Variants in ZNF189 observed in about 807,000 individuals in gnomAD.
The protein encoded by ZNF189 is zinc finger protein 189.
ZNF189 carries 33 observed loss-of-function variants against 53.5 expected under a neutral mutation model. The ratio of observed to expected loss-of-function variants is 0.62; its 90% CI spans 0.47 to 0.82. ZNF189 has a LOEUF of 0.82. ZNF189 is among the 40% of genes least tolerant of loss of function. The pLI is 0.00. For synonymous variants in ZNF189, 247 were observed against 238.8 expected (o/e 1.03, Z -0.32); for missense variants, 711 against 753.9 (o/e 0.94, Z 0.67).
chr9:101,405,174 C>G (rs193144393), intron 2 of ZNF189, among the ~76,000 whole-genome samples: 1 of 152,300 alleles, frequency 6.6e-6, no homozygotes, highest in East Asian at 1.9e-4. Context: ...TAGCAAAGAG[C>G]TTGATTCGAT....
Position 101,409,373 on chromosome 9 carries a change from A to G in ZNF189, c.1605A>G (p.Thr535=), listed in dbSNP as rs778635961. 13 of 1,614,040 alleles carry G rather than the reference A, an allele frequency of 8.1e-6. No individual in the cohort carries two copies. The highest frequency in any genetic ancestry group is 6.7e-5 in the Admixed American group (4 of 59,998). The change falls in exon 3 of 3, where the codon ACA becomes ACG. Residue 535 remains threonine, a synonymous_variant. Coordinates refer to ENST00000339664, the MANE Select transcript of ZNF189 (RefSeq NM_003452.4). ...CNLIRHQGVH[T]GNKPHKCDEC... ...TTATTCGACATCAGGGTGTTCACAC[A>G]GGTAATAAACCCCATAAATGTGATG...
rs2118267718 is a variant in ZNF189 at position 101,408,693 on chromosome 9, A to T, written c.925A>T (p.Ile309Phe). The T allele has an allele frequency of 6.2e-7, 1 of 1,614,236 alleles. No homozygotes were observed. The highest frequency in any genetic ancestry group is 8.5e-7 in the Non-Finnish European group (1 of 1,180,038). The part of the protein sequence containing the change: ...RNSLLVEHQR[I>F]HTGERPHKCG... ...TTCATTGCTTGTTGAGCATCAAAGAATTCACACTGGGGAAAGACCCCATAA... is the reference window on the plus strand; with the variant it reads ...TTCATTGCTTGTTGAGCATCAAAGATTTCACACTGGGGAAAGACCCCATAA... Residue 309 changes from isoleucine (I) to phenylalanine (F), a missense_variant, in exon 3 of 3, where the codon ATT (isoleucine) becomes TTT (phenylalanine). Coordinates refer to ENST00000339664, the MANE Select transcript of ZNF189 (RefSeq NM_003452.4).
chr9:101,400,963 C>T (rs928628830), intron 2 of ZNF189, among the ~76,000 whole-genome samples: 5 of 152,298 alleles, frequency 3.3e-5, no homozygotes, highest in Middle Eastern at 3.4e-3. Context: ...TGTCCCTTGA[C>T]GTCTCTGTTT....
chr9:101,399,205 C>A lies in ZNF189; in HGVS notation c.33+16C>A, dbSNP rs370921898. On this transcript the variant is annotated intron_variant, in intron 1 of 2. Coordinates refer to ENST00000339664, the MANE Select transcript of ZNF189 (RefSeq NM_003452.4). ...GGAGTCGAAGGTAAGTAAGCACCCC[C>A]CCGGGGATCCCGGTTGTCTCGCCGC... 6.3e-7 allele frequency: 1 copy of A among 1,576,826 alleles called. No homozygotes were observed.
Position 101,409,755 on chromosome 9 carries a change from G to A in ZNF189, c.*106G>A. 1 of 1,299,376 alleles carries A rather than the reference G, an allele frequency of 7.7e-7. No individual in the cohort carries two copies. Among genetic ancestry groups the A allele is most frequent in the Non-Finnish European group, 1.0e-6 (1 of 971,684 alleles). The allele number at this position is 1,299,376 out of a possible 1,614,324, so 80.5% of individuals were successfully genotyped here. On this transcript the variant is annotated 3_prime_UTR_variant, in exon 3 of 3. Coordinates refer to ENST00000339664, the MANE Select transcript of ZNF189 (RefSeq NM_003452.4). ...TTTAGTGATAAAGCAAATTCTCCTT[G>A]GCCTCAGGCAAATAGTTTCTAAAGA...
Position 101,408,184 on chromosome 9 carries a change from A to C in ZNF189, c.416A>C (p.Lys139Thr), listed in dbSNP as rs140191407. The C allele has an allele frequency of 3.1e-6, 5 of 1,614,068 alleles. No individual in the cohort carries two copies. The African/African-American group carries it at 6.7e-5, about 22-fold the overall frequency. The change falls in exon 3 of 3, where the codon AAA (lysine) becomes ACA (threonine). Residue 139 changes from lysine to threonine, a missense_variant. By Grantham distance (78) the Lys-to-Thr change is moderately conservative. Coordinates refer to ENST00000339664, the MANE Select transcript of ZNF189 (RefSeq NM_003452.4). ...MFRENTNIIR[K>T]RPNSEEKCHK... is the part of the protein sequence containing the mutation. ...AGAGAAAACACTAACATTATCCGTA[A>C]AAGACCAAACTCAGAAGAGAAATGC...
rs1469718653 is a variant in ZNF189 at position 101,408,160 on chromosome 9, G to C, written c.392G>C (p.Arg131Thr). 1 of 1,614,000 alleles carries C rather than the reference G, an allele frequency of 6.2e-7. No homozygotes were observed. The highest frequency in any genetic ancestry group is 8.5e-7 in the Non-Finnish European group (1 of 1,180,028). The change falls in exon 3 of 3, where the codon AGA becomes ACA. Residue 131 changes from arginine (R) to threonine (T), a missense_variant. By Grantham distance (71) the Arg-to-Thr change is moderately conservative (BLOSUM62 -1). Coordinates refer to ENST00000339664, the MANE Select transcript of ZNF189 (RefSeq NM_003452.4). The stretch of plus-strand genomic sequence containing the variant: ...TTGACCCAGGAACAGAGAATGTTCA[G>C]AGAAAACACTAACATTATCCGTAAA... The part of the protein sequence containing the change: ...ESLTQEQRMF[R>T]ENTNIIRKRP...
At chr9:101,399,266 A>T in intron 1 of ZNF189, 77 bp downstream of exon 1, 2 of 1,393,824 alleles carry the variant, frequency 1.4e-6, no homozygotes, top group Non-Finnish European at 1.9e-6. Flanking sequence ...TTTCTCCCCC[A>T]GGCCCCCCAC....
At chr9:101,405,789 T>A (rs541815214) in intron 2 of ZNF189, among the ~76,000 whole-genome samples, 5 of 152,174 alleles carry the variant, frequency 3.3e-5, no homozygotes, top group South Asian at 4.1e-4. Context: ...AACATGCCCA[T>A]TTTAGGCCAG....
In ZNF189 at chr9:101,409,232, CTG is replaced by C; in HGVS notation, c.1467_1468del (p.Cys489TrpfsTer12). 1 of 1,613,040 alleles carries C rather than the reference CTG, an allele frequency of 6.2e-7. No homozygotes were observed. Among genetic ancestry groups the C allele is most frequent in the Non-Finnish European group, 8.5e-7 (1 of 1,179,414 alleles). On this transcript the variant is annotated frameshift_variant, in exon 3 of 3. Coordinates refer to ENST00000339664, the MANE Select transcript of ZNF189 (RefSeq NM_003452.4). LOFTEE classifies it high-confidence loss of function. Reference sequence around the variant, plus strand: ...GTGAAAAGCCCTATCTATGTACTGTCTGTGGGAAAAGCTTCAGCCGGAGCTCA... The same window carrying C: ...GTGAAAAGCCCTATCTATGTACTGTCTGGGAAAAGCTTCAGCCGGAGCTCA... ...TGEKPYLCTVCGKSFSRSSFL... is the reference protein window; with the variant it reads ...TGEKPYLCTVXGKSFSRSSFL...
At position 101,399,141 on chromosome 9, in the gene ZNF189, A is replaced by C. The variant is rs201122863; in HGVS notation, c.-16A>C. ...GAGGCCGCCCCCAATTCCTGCCCCT[A>C]TTCTCTGCCTGGGAGATGGCTTCCC... On this transcript the variant is annotated 5_prime_UTR_variant, in exon 1 of 3. Coordinates refer to ENST00000339664, the MANE Select transcript of ZNF189 (RefSeq NM_003452.4). 6.3e-7 allele frequency: 1 copy of C among 1,583,854 alleles called. No individual in the cohort carries two copies. The highest frequency in any genetic ancestry group is 1.7e-4 in the Middle Eastern group (1 of 6,016).
intron 2 of ZNF189, among the ~76,000 whole-genome samples, chr9:101,403,918 G>A (rs1929491): frequency 0.079 from 12,066 of 152,242 alleles, 545 homozygotes; most frequent in Middle Eastern, 0.16. Context: ...CTCCTTGACG[G>A]TTTAGTCTTT....
Position 101,399,207 on chromosome 9 carries a change from C to A in ZNF189, c.33+18C>A, listed in dbSNP as rs751278632. The A allele has an allele frequency of 1.9e-6, 3 of 1,575,864 alleles. No individual in the cohort carries two copies. In the South Asian group the frequency reaches 3.4e-5, roughly 18 times the overall value. ...AGTCGAAGGTAAGTAAGCACCCCCC[C>A]GGGGATCCCGGTTGTCTCGCCGCTA... is the stretch of plus-strand genomic sequence containing the variant. On this transcript the variant is annotated intron_variant, in intron 1 of 2. Transcript: ENST00000339664.
Position 101,408,279 on chromosome 9 carries a change from A to G in ZNF189, c.511A>G (p.Thr171Ala). ...TTTCATTCAACATCAAAGGGTCCAT[A>G]CTGGTGAGAAACCTTTTCAGTGCAA... ...AHFIQHQRVH[T>A]GEKPFQCNEC... The change falls in exon 3 of 3, where the codon ACT (threonine) becomes GCT (alanine). Residue 171 changes from threonine (T) to alanine (A), a missense_variant. Physicochemically the swap from Thr to Ala is moderately conservative, Grantham distance 58. Transcript: ENST00000339664. 3 of 1,614,192 alleles carry G rather than the reference A, an allele frequency of 1.9e-6. No individual in the cohort carries two copies. Among genetic ancestry groups the G allele is most frequent in the Non-Finnish European group, 1.7e-6 (2 of 1,180,028 alleles).
intron 1 of ZNF189, 84 bp downstream of exon 1, chr9:101,399,273 C>A: frequency 7.1e-7 from 1 of 1,406,922 alleles, no homozygotes; most frequent in East Asian, 2.6e-5. Context: ...CCCAGGCCCC[C>A]CACCAACCTC....
intron 2 of ZNF189, among the ~76,000 whole-genome samples, chr9:101,403,710 G>A (rs961756666): frequency 2.6e-5 from 4 of 152,286 alleles, no homozygotes; most frequent in South Asian, 2.1e-4. Context: ...TAGAGCAAAC[G>A]TTCTGGTCTT....
At chr9:101,403,788 T>C (rs1230648584) in intron 2 of ZNF189, among the ~76,000 whole-genome samples, 1 of 152,194 alleles carries the variant, frequency 6.6e-6, no homozygotes, top group Non-Finnish European at 1.5e-5. Flanking sequence ...CATCTAAATT[T>C]AATTACTTCC....
At chr9:101,407,362 A>G in intron 2 of ZNF189, 2 of 397,476 alleles carry the variant, frequency 5.0e-6, no homozygotes, top group Non-Finnish European at 8.9e-6. Context: ...TTTGTCTTTT[A>G]TCCTTCTTAG....
At chr9:101,402,096 A>G (rs985526568) in intron 2 of ZNF189, among the ~76,000 whole-genome samples, 2 of 152,066 alleles carry the variant, frequency 1.3e-5, no homozygotes, top group Admixed American at 6.5e-5. Flanking sequence ...TTGTATTTTT[A>G]GTAGAGAAGG....
Sources: allele counts gnomAD v4.1 joint callset (sites outside exome capture counted in the v4.1 genomes callset), GRCh38; gene constraint gnomAD v4.1.1; transcripts MANE v1.5; gene names NCBI Gene and HGNC (gene_info 2026-07-23, HGNC 2026-07-21).